CSMD1: variants seen among roughly 807,000 people sequenced by gnomAD.
The protein encoded by CSMD1 is CUB and sushi domain-containing protein 1.
In CSMD1, 213 loss-of-function variants were observed where a neutral mutation model predicts 417.5. The ratio of observed to expected loss-of-function variants is 0.51; its 90% CI spans 0.46 to 0.57. The LOEUF is 0.57. CSMD1 is among the 20% of genes least tolerant of loss of function. CSMD1 has a pLI of 0.00. For missense variants in CSMD1, 6,923 were observed against 4,529.7 expected, an observed-to-expected ratio of 1.53 and a Z score of -15.17; for synonymous variants, 2,862 against 1,736.8, an observed-to-expected ratio of 1.65 and a Z score of -16.11.
chr8:4,889,428 G>A (rs13267077), intron 1 of CSMD1, among the ~76,000 whole-genome samples: 3 of 151,774 alleles, frequency 2.0e-5, no homozygotes, highest in East Asian at 3.9e-4. Context: ...GCTGGGAAAA[G>A]TAGCCAAAAT....
chr8:4,170,663 A>T (rs1017828326), intron 3 of CSMD1, among the ~76,000 whole-genome samples: 4 of 151,904 alleles, frequency 2.6e-5, no homozygotes, highest in African/African-American at 9.7e-5. Flanking sequence ...AGAGAAGTAG[A>T]ATAAGTTGGA....
At chr8:4,188,032 C>G (rs974080884) in intron 3 of CSMD1, among the ~76,000 whole-genome samples, 1 of 152,064 alleles carries the variant, frequency 6.6e-6, no homozygotes, top group African/African-American at 2.4e-5. Context: ...AGACCTAAGA[C>G]AGTGCAAACT....
intron 3 of CSMD1, among the ~76,000 whole-genome samples, chr8:4,260,222 C>G (rs575630894): frequency 6.6e-6 from 1 of 152,166 alleles, no homozygotes; most frequent in African/African-American, 2.4e-5. Flanking sequence ...GGGGTGAACA[C>G]TACCTCTTTG....
At chr8:3,721,890 T>G (rs17067136) in intron 6 of CSMD1, among the ~76,000 whole-genome samples, 8,517 of 152,150 alleles carry the variant, frequency 0.056, 550 homozygotes, top group African/African-American at 0.16. Flanking sequence ...GCCCGTTAAG[T>G]AGCTGACTGT....
chr8:4,110,672 A>G (rs1585333979), intron 3 of CSMD1, among the ~76,000 whole-genome samples: 1 of 152,016 alleles, frequency 6.6e-6, no homozygotes, highest in East Asian at 1.9e-4. Flanking sequence ...CTATAAAGTT[A>G]CCTAAGAAAA....
intron 5 of CSMD1, among the ~76,000 whole-genome samples, chr8:3,859,581 C>A (rs138978953): frequency 4.6e-5 from 7 of 152,250 alleles, no homozygotes; most frequent in Non-Finnish European, 8.8e-5. Context: ...GAAGTTGGGT[C>A]ATGCCAGAAA....
chr8:3,214,976 A>G (rs2116820619), intron 29 of CSMD1, among the ~76,000 whole-genome samples: 1 of 152,352 alleles, frequency 6.6e-6, no homozygotes, highest in East Asian at 1.9e-4. Flanking sequence ...AAAATACAGT[A>G]CTACGTTTTT....
intron 1 of CSMD1, among the ~76,000 whole-genome samples, chr8:4,720,641 C>G (rs550741173): frequency 7.2e-5 from 11 of 152,234 alleles, no homozygotes; most frequent in Non-Finnish European, 2.9e-5. Flanking sequence ...GCTCTCCTCT[C>G]GAATTCCTAA....
intron 1 of CSMD1, among the ~76,000 whole-genome samples, chr8:4,940,834 T>C (rs1432354108): frequency 6.6e-6 from 1 of 152,196 alleles, no homozygotes; most frequent in African/African-American, 2.4e-5. Flanking sequence ...GTACCATGTG[T>C]CAGGTAAGGC....
At chr8:4,103,095 C>T (rs1161855358) in intron 3 of CSMD1, among the ~76,000 whole-genome samples, 3 of 152,048 alleles carry the variant, frequency 2.0e-5, no homozygotes, top group African/African-American at 7.2e-5. Context: ...CCAGACAGTT[C>T]TATAAAGTGG....
chr8:3,559,713 G>C (rs1425617515), intron 10 of CSMD1, among the ~76,000 whole-genome samples: 1 of 152,054 alleles, frequency 6.6e-6, no homozygotes, highest in Non-Finnish European at 1.5e-5. Flanking sequence ...ATCACATATT[G>C]ATTGTATTTT....
chr8:3,042,952 A>T (rs770591134), intron 50 of CSMD1, among the ~76,000 whole-genome samples: 4 of 151,766 alleles, frequency 2.6e-5, no homozygotes, highest in African/African-American at 9.7e-5. Context: ...AGTGATATAC[A>T]TATAGTGATA....
intron 5 of CSMD1, among the ~76,000 whole-genome samples, chr8:3,930,242 AG>A: frequency 6.6e-6 from 1 of 150,424 alleles, no homozygotes. Flanking sequence ...CCTTCTTCAA[AG>A]ACTTTCCTCC....
intron 3 of CSMD1, among the ~76,000 whole-genome samples, chr8:4,330,187 G>A (rs1799787300): frequency 7.8e-6 from 1 of 127,974 alleles, no homozygotes; most frequent in Admixed American, 8.4e-5. Context: ...TTCCTGTTAT[G>A]AAATCCACAA....
intron 1 of CSMD1, among the ~76,000 whole-genome samples, chr8:4,917,054 T>C (rs1346277422): frequency 1.3e-5 from 2 of 152,146 alleles, no homozygotes; most frequent in African/African-American, 2.4e-5. Flanking sequence ...AGAGATTTAA[T>C]TGGCTCAGGT....
At chr8:4,952,612 A>G (rs1413194705) in intron 1 of CSMD1, among the ~76,000 whole-genome samples, 1 of 152,100 alleles carries the variant, frequency 6.6e-6, no homozygotes, top group Non-Finnish European at 1.5e-5. Flanking sequence ...ACAATTCACA[A>G]TTAGAGCATA....
At chr8:4,305,884 GC>G (rs1221916292) in intron 3 of CSMD1, among the ~76,000 whole-genome samples, 1 of 152,096 alleles carries the variant, frequency 6.6e-6, no homozygotes, top group Non-Finnish European at 1.5e-5. Flanking sequence ...GTGTGTATAT[GC>G]AATTGTTCTC....
In CSMD1 at chr8:3,543,367, G is replaced by T. The variant is rs552159430; in HGVS notation, c.1344+31578C>A. Among the ~76,000 whole-genome samples the T allele has an allele frequency of 2.0e-5, 3 of 152,304 alleles. No individual in the cohort carries two copies. The South Asian group carries it at 6.2e-4, about 32-fold the overall frequency. On this transcript the variant is annotated intron_variant, in intron 10 of 69. Coordinates refer to ENST00000635120, the MANE Select transcript of CSMD1 (RefSeq NM_033225.6). ...TTTGAGCAAACTAGAGATATAAACTGACTTTTGAAAATAATCACTCGTTTC... is the reference window on the plus strand; with the variant it reads ...TTTGAGCAAACTAGAGATATAAACTTACTTTTGAAAATAATCACTCGTTTC...
intron 3 of CSMD1, among the ~76,000 whole-genome samples, chr8:4,039,430 A>G (rs1797775686): frequency 4.6e-5 from 7 of 152,224 alleles, no homozygotes; most frequent in African/African-American, 1.4e-4. Flanking sequence ...ATCACATTAA[A>G]AAATCGGATT....
Sources: gnomAD v4.1 joint callset for allele counts (sites outside exome capture counted in the v4.1 genomes callset) on GRCh38, gnomAD v4.1.1 for gene constraint, MANE v1.5 for transcripts, NCBI Gene and HGNC (gene_info 2026-07-23, HGNC 2026-07-21) for gene names.